The following CSMD2 variants were observed in gnomAD, a reference collection of about 807,000 sequenced individuals.
CSMD2 encodes the protein CUB and Sushi multiple domains 2.
A neutral mutation model predicts 398.5 loss-of-function variants in CSMD2; 130 were observed. The ratio of observed to expected loss-of-function variants is 0.33; its 90% CI spans 0.28 to 0.38. The LOEUF is 0.38. Among genes scored for constraint, CSMD2 ranks in the 10% least tolerant of loss-of-function variants. The pLI, the probability that CSMD2 is intolerant of heterozygous loss-of-function variation, is 1.00. For missense variants in CSMD2, 3,829 were observed against 4,764.9 expected (o/e 0.80, Z 5.78); for synonymous variants, 1,828 against 1,908.5 (o/e 0.96, Z 1.10).
chr1:33,908,556 G>A (rs970292604), intron 5 of CSMD2, among the ~76,000 whole-genome samples: 2 of 152,368 alleles, frequency 1.3e-5, no homozygotes, highest in South Asian at 4.1e-4. Context: ...CCAGCTGCCC[G>A]ACCTCAGCTT....
intron 40 of CSMD2, among the ~76,000 whole-genome samples, chr1:33,613,722 T>A (rs539327777): frequency 6.6e-6 from 1 of 152,308 alleles, no homozygotes; most frequent in Non-Finnish European, 1.5e-5. Flanking sequence ...GACATTTCAT[T>A]CCTAGAAGCA....
At chr1:33,646,173 C>T (rs1320290105) in intron 29 of CSMD2, among the ~76,000 whole-genome samples, 1 of 152,090 alleles carries the variant, frequency 6.6e-6, no homozygotes, top group Admixed American at 6.5e-5. Context: ...CAAGGAGTGT[C>T]CTTGGGACAG....
chr1:33,913,403 G>A (rs943687019), intron 5 of CSMD2, among the ~76,000 whole-genome samples: 1 of 152,200 alleles, frequency 6.6e-6, no homozygotes, highest in Non-Finnish European at 1.5e-5. Context: ...AAGCTCATAT[G>A]TTGGCTTCAG....
intron 64 of CSMD2, 95 bp downstream of exon 64, chr1:33,532,955 A>C: frequency 1.7e-6 from 2 of 1,145,058 alleles, no homozygotes; most frequent in Non-Finnish European, 2.4e-6. Context: ...CTTGAAACGC[A>C]ATTCCTTCCT....
chr1:33,785,458 A>G (rs1198235444), intron 12 of CSMD2, among the ~76,000 whole-genome samples: 1 of 152,228 alleles, frequency 6.6e-6, no homozygotes, highest in African/African-American at 2.4e-5. Flanking sequence ...GCTACTTTCC[A>G]CACTTGTGTG....
chr1:33,762,330 T>C (rs977699485), intron 13 of CSMD2, among the ~76,000 whole-genome samples: 1 of 152,232 alleles, frequency 6.6e-6, no homozygotes, highest in Admixed American at 6.5e-5. Flanking sequence ...GGAGAATGCA[T>C]ACACACAACT....
chr1:34,129,541 A>G (rs1034661832), intron 1 of CSMD2, among the ~76,000 whole-genome samples: 6 of 152,038 alleles, frequency 3.9e-5, no homozygotes, highest in African/African-American at 1.4e-4. Flanking sequence ...AGTCCCAGCT[A>G]CTCAGGAGGC....
chr1:33,980,923 G>A (rs1646142749), intron 3 of CSMD2, among the ~76,000 whole-genome samples: 1 of 152,314 alleles, frequency 6.6e-6, no homozygotes, highest in South Asian at 2.1e-4. Context: ...CAAAGGTCAG[G>A]TAGTGGGAGG....
At chr1:33,752,622 T>C (rs1303912080) in intron 13 of CSMD2, among the ~76,000 whole-genome samples, 2 of 152,222 alleles carry the variant, frequency 1.3e-5, no homozygotes, top group Non-Finnish European at 2.9e-5. Flanking sequence ...GATGTTACTA[T>C]AAGATACCTG....
rs146958159 is a variant in CSMD2 at position 33,768,678 on chromosome 1, G to A, written c.1846+3891C>T. 6.3e-3 allele frequency among the ~76,000 whole-genome samples: 961 copies of A among 151,796 alleles called. 13 individuals are homozygous for A. The highest frequency in any genetic ancestry group is 0.022 in the African/African-American group (901 of 41,384). On this transcript the variant is annotated intron_variant, in intron 13 of 70. Coordinates refer to ENST00000373381, the MANE Select transcript of CSMD2 (RefSeq NM_001281956.2). ...TAGGGCCATTTCCCACAGCATCTCT[G>A]TGGGCCATTTCCCACAGCATCTCTT...
At chr1:33,901,032 C>A (rs546019843) in intron 5 of CSMD2, among the ~76,000 whole-genome samples, 1 of 152,176 alleles carries the variant, frequency 6.6e-6, no homozygotes, top group African/African-American at 2.4e-5. Context: ...CTGGGGAGAA[C>A]CACGTGTAGG....
intron 24 of CSMD2, among the ~76,000 whole-genome samples, chr1:33,698,079 G>A (rs1001142149): frequency 6.6e-6 from 1 of 152,178 alleles, no homozygotes; most frequent in Non-Finnish European, 1.5e-5. Flanking sequence ...AGGGAGATGG[G>A]TGGTAAGAGA....
chr1:33,676,222 C>T (rs1050260806), intron 25 of CSMD2, among the ~76,000 whole-genome samples: 2 of 152,174 alleles, frequency 1.3e-5, no homozygotes, highest in Non-Finnish European at 2.9e-5. Context: ...ATCATCTCAG[C>T]CCAAAATCTC....
intron 27 of CSMD2, among the ~76,000 whole-genome samples, chr1:33,653,481 C>T (rs367981892): frequency 6.6e-6 from 1 of 152,160 alleles, no homozygotes; most frequent in Non-Finnish European, 1.5e-5. Flanking sequence ...TTCCAAAAGG[C>T]CTTGTCCAAG....
chr1:34,051,003 A>C (rs1162288746), intron 2 of CSMD2, among the ~76,000 whole-genome samples: 1 of 152,112 alleles, frequency 6.6e-6, no homozygotes, highest in Non-Finnish European at 1.5e-5. Flanking sequence ...GGCACTTTGC[A>C]CTCCTCATAC....
chr1:33,818,873 T>C (rs1657775053), intron 9 of CSMD2, among the ~76,000 whole-genome samples: 1 of 152,238 alleles, frequency 6.6e-6, no homozygotes, highest in Non-Finnish European at 1.5e-5. Context: ...ATGAATTTTA[T>C]CTTGATGCAT....
intron 1 of CSMD2, among the ~76,000 whole-genome samples, chr1:34,139,529 G>C (rs1639075191): frequency 2.6e-5 from 4 of 152,168 alleles, no homozygotes; most frequent in African/African-American, 9.7e-5. Flanking sequence ...CAGAAAGTTT[G>C]TGGCAATTTT....
chr1:33,551,343 C>T (rs184098003), intron 55 of CSMD2, among the ~76,000 whole-genome samples: 46 of 152,252 alleles, frequency 3.0e-4, no homozygotes, highest in Admixed American at 2.5e-3. Flanking sequence ...GTTATATGAT[C>T]GGATTTACAT....
intron 6 of CSMD2, among the ~76,000 whole-genome samples, chr1:33,830,336 C>A (rs941084346): frequency 3.9e-4 from 59 of 152,350 alleles, no homozygotes; most frequent in South Asian, 6.2e-4. Flanking sequence ...AATCAGACAG[C>A]AGCATTCGTG....
Sources: gnomAD v4.1 joint callset for allele counts (sites outside exome capture counted in the v4.1 genomes callset) on GRCh38, gnomAD v4.1.1 for gene constraint, MANE v1.5 for transcripts, NCBI Gene and HGNC (gene_info 2026-07-23, HGNC 2026-07-21) for gene names.